FLYWCH2: variants seen among roughly 807,000 people sequenced by gnomAD.
FLYWCH2 encodes the protein FLYWCH family member 2.
Under a neutral mutation model 6.0 loss-of-function variants are expected in FLYWCH2, and 2 were observed. That is an observed-to-expected ratio of 0.33 (90% CI 0.14 to 1.04). The LOEUF (loss-of-function observed/expected upper bound fraction) is 1.04. FLYWCH2 is among the 50% of genes least tolerant of loss of function. The pLI is 0.45. For missense variants in FLYWCH2, 192 were observed against 183.4 expected, an observed-to-expected ratio of 1.05 and a Z score of -0.27; for synonymous variants, 87 against 79.3, an observed-to-expected ratio of 1.10 and a Z score of -0.52.
Position 2,896,547 on chromosome 16 carries a change from C to T in FLYWCH2, c.98C>T (p.Pro33Leu). Residue 33 changes from proline (P) to leucine (L), a missense_variant, in exon 3 of 4, where the codon CCC becomes CTC. Physicochemically the swap from Pro to Leu is moderately conservative, Grantham distance 98 (BLOSUM62 -3). Transcript: ENST00000396958. ...KPGTEVIPAA[P>L]RKPRKFSKLV... ...GGCACAGAAGTCATCCCGGCAGCCC[C>T]CAGGAAGCCCAGAAAGTTCTCCAAA... The T allele has an allele frequency of 6.2e-7, 1 of 1,614,178 alleles. No individual in the cohort carries two copies. The highest frequency in any genetic ancestry group is 8.5e-7 in the Non-Finnish European group (1 of 1,180,018).
At chr16:2,883,665 C>T (rs908919072) in intron 1 of FLYWCH2, among the ~76,000 whole-genome samples, 9 of 152,276 alleles carry the variant, frequency 5.9e-5, no homozygotes, top group Non-Finnish European at 1.2e-4. Context: ...CGGCACCCCC[C>T]AACCCCCGCC....
chr16:2,887,280 G>A (rs2069708585), intron 1 of FLYWCH2, among the ~76,000 whole-genome samples: 1 of 149,994 alleles, frequency 6.7e-6, no homozygotes, highest in African/African-American at 2.5e-5. Flanking sequence ...CAAGTAGCTG[G>A]GACCACGGGT....
At chr16:2,884,017 C>A (rs1054012483) in intron 1 of FLYWCH2, among the ~76,000 whole-genome samples, 1 of 152,132 alleles carries the variant, frequency 6.6e-6, no homozygotes, top group East Asian at 1.9e-4. Flanking sequence ...TTTTAAATCT[C>A]CCTGTGAGGA....
At chr16:2,895,474 C>A (rs1478078356) in intron 2 of FLYWCH2, among the ~76,000 whole-genome samples, 154 bp downstream of exon 2, 1 of 152,186 alleles carries the variant, frequency 6.6e-6, no homozygotes, top group Non-Finnish European at 1.5e-5. Context: ...ATTAGCCGGG[C>A]GTGGTGGCGG....
At chr16:2,886,691 T>C (rs1028432140) in intron 1 of FLYWCH2, among the ~76,000 whole-genome samples, 8 of 151,214 alleles carry the variant, frequency 5.3e-5, no homozygotes, top group South Asian at 4.2e-4. Context: ...TTGGCTAATT[T>C]TGTATTTTTA....
At chr16:2,885,099 G>A (rs1216898780) in intron 1 of FLYWCH2, among the ~76,000 whole-genome samples, 11 of 152,140 alleles carry the variant, frequency 7.2e-5, no homozygotes, top group Non-Finnish European at 1.3e-4. Context: ...AAGGAGGGCG[G>A]ATCACGAGGT....
intron 1 of FLYWCH2, among the ~76,000 whole-genome samples, chr16:2,892,405 A>T (rs957033337): frequency 6.6e-5 from 10 of 151,906 alleles, no homozygotes; most frequent in Non-Finnish European, 1.5e-4. Context: ...CTGAGACAGG[A>T]GAATATCTTC....
At chr16:2,893,813 A>T (rs1596338383) in intron 1 of FLYWCH2, among the ~76,000 whole-genome samples, 3 of 151,162 alleles carry the variant, frequency 2.0e-5, no homozygotes, top group African/African-American at 7.3e-5. Flanking sequence ...AATTTTTTGT[A>T]TTTTTTAGTG....
intron 1 of FLYWCH2, among the ~76,000 whole-genome samples, chr16:2,887,175 T>G (rs1299673949): frequency 6.6e-6 from 1 of 152,116 alleles, no homozygotes; most frequent in Non-Finnish European, 1.5e-5. Context: ...AGACAGGATC[T>G]CACTCTGTTA....
At chr16:2,896,081 T>C (rs919439094) in intron 2 of FLYWCH2, among the ~76,000 whole-genome samples, 2 of 152,234 alleles carry the variant, frequency 1.3e-5, no homozygotes, top group African/African-American at 4.8e-5. Context: ...GGCTGAGTTC[T>C]TAGTCCATTA....
intron 3 of FLYWCH2, chr16:2,896,983 T>C (rs558484687): frequency 3.2e-5 from 19 of 601,352 alleles, no homozygotes; most frequent in Non-Finnish European, 2.9e-6. Context: ...TGCCTCTCTG[T>C]GTCTGTTCCC....
intron 3 of FLYWCH2, among the ~76,000 whole-genome samples, chr16:2,897,186 G>A (rs148790147): frequency 6.6e-5 from 10 of 152,288 alleles, no homozygotes; most frequent in African/African-American, 2.2e-4. Context: ...TCACCGTTCA[G>A]TCACTTAGTA....
chr16:2,883,811 C>G (rs1297212371), intron 1 of FLYWCH2, among the ~76,000 whole-genome samples: 1 of 152,246 alleles, frequency 6.6e-6, no homozygotes, highest in Admixed American at 6.5e-5. Flanking sequence ...AGCCGGGGAG[C>G]TGGGACCATT....
At chr16:2,890,811 C>G (rs925013578) in intron 1 of FLYWCH2, among the ~76,000 whole-genome samples, 2 of 152,114 alleles carry the variant, frequency 1.3e-5, no homozygotes, top group Non-Finnish European at 2.9e-5. Flanking sequence ...AAGTAATCCA[C>G]CCACCTCAAC....
chr16:2,887,250 A>G (rs776353244), intron 1 of FLYWCH2, among the ~76,000 whole-genome samples: 19 of 151,396 alleles, frequency 1.3e-4, no homozygotes, highest in Admixed American at 2.0e-4. Context: ...GGCTTAAGCA[A>G]TCCTTCCACC....
intron 1 of FLYWCH2, among the ~76,000 whole-genome samples, chr16:2,888,484 C>CAAAAAAAAAAAAAAAA (rs76190008): frequency 9.5e-6 from 1 of 105,806 alleles, no homozygotes; most frequent in Non-Finnish European, 1.9e-5. Flanking sequence ...TCAGTTTCTC[C>CAAAAAAAAAAAAAAAA]AAAAAAAAAA....
chr16:2,891,472 T>A (rs1295233091), intron 1 of FLYWCH2, among the ~76,000 whole-genome samples: 1 of 152,096 alleles, frequency 6.6e-6, no homozygotes, highest in Non-Finnish European at 1.5e-5. Context: ...TGGCGCGATA[T>A]CGGCTCACTG....
intron 2 of FLYWCH2, 67 bp from the exon 3 acceptor site, chr16:2,896,285 T>A: frequency 2.3e-6 from 2 of 885,142 alleles, no homozygotes; most frequent in South Asian, 4.0e-5. Context: ...CCCACCTCCC[T>A]CCCAGATCCA....
At chr16:2,884,299 G>T (rs899693632) in intron 1 of FLYWCH2, among the ~76,000 whole-genome samples, 2 of 152,044 alleles carry the variant, frequency 1.3e-5, no homozygotes, top group African/African-American at 4.8e-5. Context: ...TTTCTCCCCC[G>T]TGCGTATGAA....
Sources: gnomAD v4.1 joint callset for allele counts (sites outside exome capture counted in the v4.1 genomes callset) on GRCh38, gnomAD v4.1.1 for gene constraint, MANE v1.5 for transcripts, NCBI Gene and HGNC (gene_info 2026-07-23, HGNC 2026-07-21) for gene names.